SPOCK3: variants seen among roughly 807,000 people sequenced by gnomAD.
SPOCK3 encodes the protein SPARC (osteonectin), cwcv and kazal like domains proteoglycan 3.
A neutral mutation model predicts 56.6 loss-of-function variants in SPOCK3; 30 were observed. The observed-to-expected ratio is 0.53, with a 90% CI of 0.40 to 0.72. The LOEUF (loss-of-function observed/expected upper bound fraction) is 0.72, where lower values mean the gene tolerates loss of function less well. Ranked by LOEUF, SPOCK3 falls within the 30% of genes least tolerant of loss-of-function variation. SPOCK3 has a pLI of 0.00. For synonymous variants in SPOCK3, 196 were observed against 183.3 expected (o/e 1.07, Z -0.56); for missense variants, 527 against 530.0 (o/e 0.99, Z 0.06).
chr4:167,183,741 G>T (rs1414971656), intron 2 of SPOCK3, among the ~76,000 whole-genome samples: 1 of 152,110 alleles, frequency 6.6e-6, no homozygotes, highest in East Asian at 1.9e-4. Context: ...AGAATGAAGA[G>T]AAGCCTACAA....
chr4:167,062,738 A>G, intron 2 of SPOCK3: 1 of 529,552 alleles, frequency 1.9e-6, no homozygotes, highest in Non-Finnish European at 3.4e-6. Context: ...AAAGGAACAC[A>G]CTGTTTTCAA....
At chr4:167,135,996 A>G (rs548829177) in intron 2 of SPOCK3, among the ~76,000 whole-genome samples, 1 of 152,238 alleles carries the variant, frequency 6.6e-6, no homozygotes, top group African/African-American at 2.4e-5. Context: ...GATACAAAGA[A>G]TATCCCACCT....
intron 3 of SPOCK3, among the ~76,000 whole-genome samples, chr4:167,006,852 T>C (rs1195567661): frequency 6.6e-6 from 1 of 152,218 alleles, no homozygotes; most frequent in Non-Finnish European, 1.5e-5. Flanking sequence ...GCACTGCTTC[T>C]CTCACATACT....
chr4:167,067,422 A>C (rs992741264), intron 2 of SPOCK3, among the ~76,000 whole-genome samples: 2 of 151,864 alleles, frequency 1.3e-5, no homozygotes, highest in African/African-American at 4.8e-5. Context: ...TTTTGAAGAC[A>C]CACTTCAAAT....
intron 5 of SPOCK3, among the ~76,000 whole-genome samples, chr4:166,897,419 A>G (rs1012607069): frequency 1.3e-5 from 2 of 152,102 alleles, no homozygotes; most frequent in East Asian, 1.9e-4. Flanking sequence ...TTTCCTGTCC[A>G]GTAAAAAAAG....
chr4:167,150,012 G>C (rs973963816), intron 2 of SPOCK3, among the ~76,000 whole-genome samples: 3 of 152,034 alleles, frequency 2.0e-5, no homozygotes, highest in Non-Finnish European at 2.9e-5. Flanking sequence ...TGATTTGGGG[G>C]AAAGCATCTG....
At chr4:167,038,742 A>C (rs1210656548) in intron 3 of SPOCK3, among the ~76,000 whole-genome samples, 1 of 152,018 alleles carries the variant, frequency 6.6e-6, no homozygotes, top group African/African-American at 2.4e-5. Flanking sequence ...ATTCATCCAA[A>C]ATACATACAC....
chr4:166,778,371 G>A (rs1313462292), intron 7 of SPOCK3, among the ~76,000 whole-genome samples: 4 of 152,146 alleles, frequency 2.6e-5, no homozygotes, highest in African/African-American at 9.6e-5. Context: ...AACATAAATC[G>A]AAGTAAAATC....
intron 2 of SPOCK3, among the ~76,000 whole-genome samples, chr4:167,138,810 T>C (rs1763312335): frequency 6.6e-6 from 1 of 151,830 alleles, no homozygotes; most frequent in Non-Finnish European, 1.5e-5. Flanking sequence ...TAAAAGGAAA[T>C]ATACTAGAGG....
intron 3 of SPOCK3, among the ~76,000 whole-genome samples, chr4:167,027,637 C>T (rs555881557): frequency 3.9e-4 from 59 of 152,058 alleles, no homozygotes; most frequent in African/African-American, 1.4e-3. Context: ...CGTTAACAGT[C>T]CATTACACAT....
chr4:166,911,318 G>A (rs1382566214), intron 5 of SPOCK3, among the ~76,000 whole-genome samples: 1 of 152,096 alleles, frequency 6.6e-6, no homozygotes, highest in Admixed American at 6.5e-5. Flanking sequence ...AATTGTAAAA[G>A]GCAAGTGGAA....
intron 3 of SPOCK3, among the ~76,000 whole-genome samples, chr4:167,013,012 G>C (rs921944627): frequency 6.6e-6 from 1 of 151,860 alleles, no homozygotes; most frequent in African/African-American, 2.4e-5. Flanking sequence ...AATACAGTGA[G>C]TCTTTGGATT....
intron 2 of SPOCK3, among the ~76,000 whole-genome samples, chr4:167,176,685 C>T (rs1171538037): frequency 3.3e-5 from 5 of 151,976 alleles, no homozygotes; most frequent in Admixed American, 6.6e-5. Context: ...GGAGCAGCAG[C>T]ACCTAGATAA....
chr4:166,780,469 C>CTG lies in SPOCK3; in HGVS notation c.709+11699_709+11700dup, dbSNP rs376588208. Among the ~76,000 whole-genome samples the CTG allele has an allele frequency of 1.8e-3, 267 of 152,246 alleles. 4 individuals are homozygous for CTG. The highest frequency in any genetic ancestry group is 5.7e-3 in the African/African-American group (235 of 41,540). On this transcript the variant is annotated intron_variant, in intron 7 of 10. Coordinates refer to ENST00000357545, the MANE Select transcript of SPOCK3 (RefSeq NM_001040159.2). ...GAAACCACCTGAGAAGCAGAAGCTG[C>CTG]TGTGGGAAAGGTATGAACTCCCATC...
At chr4:167,012,907 A>G (rs545420705) in intron 3 of SPOCK3, among the ~76,000 whole-genome samples, 2 of 152,116 alleles carry the variant, frequency 1.3e-5, no homozygotes, top group East Asian at 3.9e-4. Context: ...TGTTATAATG[A>G]AAGGCTTTGC....
chr4:166,745,162 G>A (rs1735426117), intron 8 of SPOCK3, among the ~76,000 whole-genome samples: 2 of 152,020 alleles, frequency 1.3e-5, no homozygotes, highest in South Asian at 4.1e-4. Flanking sequence ...TCCTCAAGAA[G>A]AGCAACCCCA....
intron 2 of SPOCK3, among the ~76,000 whole-genome samples, chr4:167,103,106 G>GAACCC (rs1759803755): frequency 6.6e-6 from 1 of 151,836 alleles, no homozygotes; most frequent in African/African-American, 2.4e-5. Flanking sequence ...GGCCAGAAGG[G>GAACCC]AACCCACTCC....
At chr4:166,862,621 G>A (rs1362234462) in intron 6 of SPOCK3, among the ~76,000 whole-genome samples, 1 of 151,898 alleles carries the variant, frequency 6.6e-6, no homozygotes, top group Admixed American at 6.6e-5. Flanking sequence ...TTCCTGAGTA[G>A]CCATTAAAAA....
intron 7 of SPOCK3, among the ~76,000 whole-genome samples, chr4:166,765,224 C>A (rs561517295): frequency 6.6e-6 from 1 of 152,152 alleles, no homozygotes; most frequent in African/African-American, 2.4e-5. Flanking sequence ...GCTTTTGTTG[C>A]CATTGCTTTT....
Sources: allele counts gnomAD v4.1 joint callset (sites outside exome capture counted in the v4.1 genomes callset), GRCh38; gene constraint gnomAD v4.1.1; transcripts MANE v1.5; gene names NCBI Gene and HGNC (gene_info 2026-07-23, HGNC 2026-07-21).